Variants in WDR19 observed in about 807,000 individuals in gnomAD.
The protein encoded by WDR19 is WD repeat domain 19, also known as WD repeat-containing protein 19.
Under a neutral mutation model 180.0 loss-of-function variants are expected in WDR19, and 121 were observed. The observed-to-expected ratio is 0.67, with a 90% CI of 0.58 to 0.78. The LOEUF (loss-of-function observed/expected upper bound fraction) is 0.78, where lower values mean the gene tolerates loss of function less well. Among genes scored for constraint, WDR19 ranks in the 30% least tolerant of loss-of-function variants. The pLI is 0.00. For missense variants in WDR19, 1,450 were observed against 1,640.7 expected (o/e 0.88, Z 2.01); for synonymous variants, 497 against 540.7 (o/e 0.92, Z 1.12).
chr4:39,256,671 A>G (rs927960755), intron 27 of WDR19, among the ~76,000 whole-genome samples: 1 of 152,198 alleles, frequency 6.6e-6, no homozygotes, highest in Non-Finnish European at 1.5e-5. Flanking sequence ...GGCCTCTTAG[A>G]TAAAGTCCAA....
chr4:39,269,321 G>A (rs2109494443), intron 30 of WDR19, among the ~76,000 whole-genome samples: 1 of 152,280 alleles, frequency 6.6e-6, no homozygotes, highest in South Asian at 2.1e-4. Flanking sequence ...GACATCAGAT[G>A]TGGGCCCAGA....
At chr4:39,223,532 T>A (rs949420312) in intron 14 of WDR19, among the ~76,000 whole-genome samples, 2 of 151,942 alleles carry the variant, frequency 1.3e-5, no homozygotes, top group African/African-American at 4.8e-5. Context: ...GGTTTCACCA[T>A]GTTTTAGTAG....
chr4:39,234,701 T>TTA (rs1731203141), intron 19 of WDR19, 65 bp from the exon 20 acceptor site: 4 of 981,296 alleles, frequency 4.1e-6, no homozygotes, highest in Middle Eastern at 2.0e-4. Context: ...TAAAACTAGC[T>TTA]CTTTGTGGTA....
intron 19 of WDR19, 101 bp from the exon 20 acceptor site, chr4:39,234,665 C>T (rs763105477): frequency 1.3e-6 from 1 of 748,986 alleles, no homozygotes; most frequent in Non-Finnish European, 2.4e-6. Flanking sequence ...ATTATTTAAA[C>T]AAAAAGGTTT....
Position 39,232,250 on chromosome 4 carries a change from G to T in WDR19, c.2231G>T (p.Ser744Ile). ...GCTCAGGACTTGTACCTTGCATCCA[G>T]CTGTCCTATTGCTGCCCTGGAGGTA... ...NLAQDLYLAS[S>I]CPIAALEMRR... Residue 744 changes from serine (S) to isoleucine (I), a missense_variant, in exon 19 of 37, where the codon AGC (serine) becomes ATC (isoleucine). Transcript: ENST00000399820. 6.2e-7 allele frequency: 1 copy of T among 1,610,850 alleles called. No individual in the cohort carries two copies. Among genetic ancestry groups the T allele is most frequent in the South Asian group, 1.1e-5 (1 of 90,238 alleles).
At chr4:39,259,207 G>A (rs1734047543) in intron 28 of WDR19, among the ~76,000 whole-genome samples, 1 of 152,210 alleles carries the variant, frequency 6.6e-6, no homozygotes, top group South Asian at 2.1e-4. Context: ...GGTATATGGT[G>A]TAAGGTAGGG....
At chr4:39,222,439 AT>A (rs1560508359) in intron 14 of WDR19, among the ~76,000 whole-genome samples, 1 of 151,896 alleles carries the variant, frequency 6.6e-6, no homozygotes, top group Non-Finnish European at 1.5e-5. Context: ...TTATCAATTT[AT>A]TTTTTCATGG....
intron 28 of WDR19, among the ~76,000 whole-genome samples, chr4:39,260,220 G>C (rs559874301): frequency 1.3e-5 from 2 of 151,996 alleles, no homozygotes; most frequent in South Asian, 2.1e-4. Flanking sequence ...CCACTAACTA[G>C]TAGTTAAATC....
In WDR19 at chr4:39,240,237, ATATTAAAAT is replaced by A. The variant is rs1224706430; in HGVS notation, c.2364-29_2364-21del. 4.0e-6 allele frequency: 4 copies of A among 1,004,420 alleles called. No individual in the cohort carries two copies. The African/African-American group carries it at 5.2e-5, about 13-fold the overall frequency. The allele number at this position is 1,004,420 out of a possible 1,614,324, so 62.2% of individuals were successfully genotyped here. On this transcript the variant is annotated intron_variant, in intron 20 of 36. Coordinates refer to ENST00000399820, the MANE Select transcript of WDR19 (RefSeq NM_025132.4). ...ACATGTAAATAAAATTCTAAAATATATATTAAAATTATTAAAATTCACTCTTATTTTTTT... is the reference window on the plus strand; with the variant it reads ...ACATGTAAATAAAATTCTAAAATATATATTAAAATTCACTCTTATTTTTTT...
At chr4:39,193,086 AATAG>A (rs1294694565) in intron 4 of WDR19, among the ~76,000 whole-genome samples, 1 of 152,238 alleles carries the variant, frequency 6.6e-6, no homozygotes, top group Non-Finnish European at 1.5e-5. Context: ...TCTTTTGTAA[AATAG>A]ATACTTAATA....
intron 14 of WDR19, among the ~76,000 whole-genome samples, chr4:39,223,041 A>G (rs1729859869): frequency 6.6e-6 from 1 of 152,110 alleles, no homozygotes; most frequent in African/African-American, 2.4e-5. Context: ...GTGTGTATCC[A>G]TAGTTTGTTC....
chr4:39,225,174 T>TGAA, intron 15 of WDR19, 141 bp downstream of exon 15: 1 of 662,736 alleles, frequency 1.5e-6, no homozygotes, highest in Non-Finnish European at 2.3e-6. Context: ...CATAATATCA[T>TGAA]GTTTATGATA....
At chr4:39,210,994 A>T (rs1405846440) in intron 9 of WDR19, among the ~76,000 whole-genome samples, 12 of 151,660 alleles carry the variant, frequency 7.9e-5, no homozygotes, top group African/African-American at 2.7e-4. Flanking sequence ...TAGTCCAAGC[A>T]ACTTGGGAGG....
At chr4:39,223,671 G>T (rs1577920982) in intron 14 of WDR19, among the ~76,000 whole-genome samples, 1 of 152,230 alleles carries the variant, frequency 6.6e-6, no homozygotes, top group Non-Finnish European at 1.5e-5. Flanking sequence ...ACAGGAAAAA[G>T]AATCAGTTGA....
intron 27 of WDR19, 29 bp from the exon 28 acceptor site, chr4:39,257,457 A>G: frequency 6.4e-7 from 1 of 1,555,130 alleles, no homozygotes; most frequent in Non-Finnish European, 8.7e-7. Context: ...CATTCTGAAA[A>G]TTTTTAATTG....
intron 17 of WDR19, among the ~76,000 whole-genome samples, chr4:39,231,315 C>CAAA (rs56002679): frequency 2.2e-4 from 19 of 87,196 alleles, no homozygotes; most frequent in African/African-American, 5.5e-4. Flanking sequence ...ACTCCGTCTT[C>CAAA]AAAAAAAAAA....
intron 14 of WDR19, 137 bp downstream of exon 14, chr4:39,218,242 A>C (rs889251759): frequency 1.2e-5 from 13 of 1,085,808 alleles, no homozygotes; most frequent in Non-Finnish European, 1.7e-5. Context: ...GTGATTAATT[A>C]TATACATTCA....
In WDR19 at chr4:39,218,841, T is replaced by C. The variant is rs1299735852; in HGVS notation, c.1479+736T>C. 2.0e-5 allele frequency: 3 copies of C among 151,864 alleles called. No homozygotes were observed. The East Asian group carries it at 5.8e-4, about 29-fold the overall frequency. The allele number at this position is 151,864 out of a possible 1,614,324, so 9.4% of individuals were successfully genotyped here. ...TTTTCTTAAAAAATATTTTATTATA[T>C]CCTATTCTATAAGCTTTTCCTTGTT... On this transcript the variant is annotated intron_variant, in intron 14 of 36. Coordinates refer to ENST00000399820, the MANE Select transcript of WDR19 (RefSeq NM_025132.4).
At chr4:39,281,236 T>TATATATATATAGAGAGAGAG (rs762298152) in intron 36 of WDR19, among the ~76,000 whole-genome samples, 33 of 103,986 alleles carry the variant, frequency 3.2e-4, no homozygotes, top group African/African-American at 1.3e-3. Context: ...TATATATATA[T>TATATATATATAGAGAGAGAG]AGAGAGAGAG....
Sources: gnomAD v4.1 joint callset for allele counts (sites outside exome capture counted in the v4.1 genomes callset) on GRCh38, gnomAD v4.1.1 for gene constraint, MANE v1.5 for transcripts, NCBI Gene and HGNC (gene_info 2026-07-23, HGNC 2026-07-21) for gene names.